BCCIP: variants seen among roughly 807,000 people sequenced by gnomAD.
The protein encoded by BCCIP is BRCA2 and CDKN1A interacting protein.
BCCIP carries 23 observed loss-of-function variants against 32.8 expected under a neutral mutation model. The ratio of observed to expected loss-of-function variants is 0.70; its 90% confidence interval spans 0.51 to 0.99. The LOEUF is 0.99. BCCIP is among the 50% of genes least tolerant of loss of function. The pLI, the probability that BCCIP is intolerant of heterozygous loss-of-function variation, is 0.00. For missense variants in BCCIP, 378 were observed against 379.8 expected (o/e 1.00, Z 0.04); for synonymous variants, 144 against 137.6 (o/e 1.05, Z -0.33).
At chr10:125,851,409 T>C (rs1944087811) in intron 7 of BCCIP, among the ~76,000 whole-genome samples, 2 of 152,128 alleles carry the variant, frequency 1.3e-5, no homozygotes, top group African/African-American at 2.4e-5. Context: ...CACAGTGAGA[T>C]AGTTTGCTTT....
chr10:125,833,784 G>C lies in BCCIP; in HGVS notation c.612G>C (p.Ala204=). 1.2e-6 allele frequency: 2 copies of C among 1,613,998 alleles called. No individual in the cohort carries two copies. Among genetic ancestry groups the C allele is most frequent in the Non-Finnish European group, 1.7e-6 (2 of 1,179,990 alleles). ...GTGTGCCTTGCAGGAAAGAACTGGC[G>C]GGGGCACACAGAACCAATAAGCCAT... is the stretch of plus-strand genomic sequence containing the variant. The part of the protein sequence containing the change: ...PMYQQLQKEL[A]GAHRTNKPCG... The change falls in exon 6 of 7, where the codon GCG becomes GCC. Residue 204 remains alanine, a synonymous_variant. Coordinates refer to ENST00000278100, the MANE Select transcript of BCCIP (RefSeq NM_078468.3).
intron 5 of BCCIP, among the ~76,000 whole-genome samples, chr10:125,832,187 A>G (rs1472449679): frequency 6.6e-6 from 1 of 151,324 alleles, no homozygotes; most frequent in Non-Finnish European, 1.5e-5. Context: ...TCTCTTATTT[A>G]TTTCTATCTA....
At chr10:125,833,985 G>T in intron 6 of BCCIP, 39 bp downstream of exon 6, 1 of 1,592,178 alleles carries the variant, frequency 6.3e-7, no homozygotes, top group South Asian at 1.1e-5. Flanking sequence ...TGTAAATAAG[G>T]ATTTTCTTGA....
chr10:125,831,444 C>G lies in BCCIP; in HGVS notation c.436C>G (p.Gln146Glu), dbSNP rs141189146. Reference sequence around the variant, plus strand: ...GGGTACCCAGTGTGTTGAACAAATTCAAGAGTTGGTTCTACGCTTCTGTGA... The same window carrying G: ...GGGTACCCAGTGTGTTGAACAAATTGAAGAGTTGGTTCTACGCTTCTGTGA... ...RKGTQCVEQI[Q>E]ELVLRFCEKN... Residue 146 changes from glutamine to glutamate, a missense_variant, in exon 5 of 7, where the codon CAA becomes GAA. Transcript: ENST00000278100. 2 of 1,613,814 alleles carry G rather than the reference C, an allele frequency of 1.2e-6. No homozygotes were observed. The highest frequency in any genetic ancestry group is 1.3e-5 in the African/African-American group (1 of 74,916).
chr10:125,836,032 T>C (rs573019181), intron 6 of BCCIP, 72 bp from the exon 7 acceptor site: 3 of 1,348,572 alleles, frequency 2.2e-6, no homozygotes, highest in Non-Finnish European at 3.1e-6. Flanking sequence ...GTAATATTCT[T>C]TGCCGTAGAT....
chr10:125,827,471 T>G (rs907808077), intron 2 of BCCIP, 87 bp from the exon 3 acceptor site: 7 of 918,844 alleles, frequency 7.6e-6, no homozygotes, highest in Non-Finnish European at 1.1e-5. Context: ...TCACAGAAAT[T>G]TCATTGTTTG....
At position 125,823,579 on chromosome 10, in the gene BCCIP, C is replaced by T; in HGVS notation, c.22C>T (p.Arg8Cys). Reference protein sequence around the residue: MASRSKRRAVESGVPQPP... With the variant: MASRSKRCAVESGVPQPP... ...CAACATGGCGTCCAGGTCTAAGCGG[C>T]GTGCCGTGGAAAGTGGGGTTCCGCA... The change falls in exon 1 of 7, where the codon CGT becomes TGT. Residue 8 changes from arginine to cysteine, a missense_variant. By Grantham distance (180) the Arg-to-Cys change is radical (BLOSUM62 -3). Transcript: ENST00000278100. 3.1e-6 allele frequency: 5 copies of T among 1,613,906 alleles called. No homozygotes were observed. The highest frequency in any genetic ancestry group is 3.4e-6 in the Non-Finnish European group (4 of 1,179,924).
chr10:125,838,378 C>A (rs369261174), downstream of BCCIP: 9 of 1,573,346 alleles, frequency 5.7e-6, no homozygotes, highest in Non-Finnish European at 7.7e-6. Flanking sequence ...CCATCAACAT[C>A]CCGAGCAATC....
At chr10:125,852,778 A>G (rs1275825518) in intron 7 of BCCIP, 1 of 777,682 alleles carries the variant, frequency 1.3e-6, no homozygotes, top group Non-Finnish European at 2.0e-6. Context: ...TTTGCACGAT[A>G]TTTATTATTG....
chr10:125,835,639 C>CAA (rs1854659000), intron 6 of BCCIP, among the ~76,000 whole-genome samples: 1 of 151,780 alleles, frequency 6.6e-6, no homozygotes. Context: ...CTCAGGTTGA[C>CAA]CATTTGGGGG....
At chr10:125,853,551 A>G in exon 8 of BCCIP, 1 of 215,696 alleles carries the variant, frequency 4.6e-6, no homozygotes, top group Non-Finnish European at 9.0e-6. Context: ...TCTCTGGGGT[A>G]AGATACTAAT....
chr10:125,834,829 C>CAAA (rs3034779), intron 6 of BCCIP, among the ~76,000 whole-genome samples: 22 of 149,084 alleles, frequency 1.5e-4, no homozygotes, highest in South Asian at 4.3e-4. Context: ...AACAAACAAA[C>CAAA]AAAAAACACA....
At chr10:125,845,130 G>A (rs2134033321), downstream of BCCIP, among the ~76,000 whole-genome samples, 1 of 152,338 alleles carries the variant, frequency 6.6e-6, no homozygotes, top group East Asian at 1.9e-4. Context: ...CAGGCCAAGT[G>A]GAGTCCAAGG....
At chr10:125,826,073 G>C (rs1854383204) in intron 1 of BCCIP, 1 of 153,588 alleles carries the variant, frequency 6.5e-6, no homozygotes, top group Admixed American at 6.5e-5. Flanking sequence ...ACAACATTGT[G>C]TACCTTTGTT....
chr10:125,836,955 T>C, downstream of BCCIP: 2 of 975,216 alleles, frequency 2.1e-6, no homozygotes, highest in Non-Finnish European at 3.1e-6. Flanking sequence ...AGAATCTACC[T>C]GTAGAACCGG....
chr10:125,827,584 T>C lies in BCCIP; in HGVS notation c.267T>C (p.Thr89=). 2 of 1,613,168 alleles carry C rather than the reference T, an allele frequency of 1.2e-6. No homozygotes were observed. Among genetic ancestry groups the C allele is most frequent in the Non-Finnish European group, 1.7e-6 (2 of 1,179,176 alleles). Residue 89 remains threonine, a synonymous_variant, in exon 3 of 7, where the codon ACT becomes ACC. Coordinates refer to ENST00000278100, the MANE Select transcript of BCCIP (RefSeq NM_078468.3). ...TTTTTCTAAAGGCTCCTGTGAACAC[T>C]GCAGAACTAACAGATCTCTTAATTC... The part of the protein sequence containing the change: ...QQLFLKAPVN[T]AELTDLLIQQ...
chr10:125,833,995 A>G, intron 6 of BCCIP, 49 bp downstream of exon 6: 6 of 1,582,518 alleles, frequency 3.8e-6, no homozygotes, highest in Non-Finnish European at 4.3e-6. Context: ...GATTTTCTTG[A>G]AAATGATTTA....
At chr10:125,843,379 G>A (rs1854933388), downstream of BCCIP, among the ~76,000 whole-genome samples, 1 of 152,158 alleles carries the variant, frequency 6.6e-6, no homozygotes, top group Non-Finnish European at 1.5e-5. Context: ...GGGAGGCCGA[G>A]GCGGGAGGAT....
downstream of BCCIP, among the ~76,000 whole-genome samples, chr10:125,847,520 G>A (rs1944037150): frequency 6.6e-6 from 1 of 152,174 alleles, no homozygotes; most frequent in South Asian, 2.1e-4. Flanking sequence ...TGTGTGCCAG[G>A]TACATGCATT....
Sources: gnomAD v4.1 joint callset for allele counts (sites outside exome capture counted in the v4.1 genomes callset) on GRCh38, gnomAD v4.1.1 for gene constraint, MANE v1.5 for transcripts, NCBI Gene and HGNC (gene_info 2026-07-23, HGNC 2026-07-21) for gene names.